Variants in USH2A observed in about 807,000 individuals in gnomAD.
USH2A encodes the protein Usher syndrome 2A (autosomal recessive, mild).
A neutral mutation model predicts 538.9 loss-of-function variants in USH2A; 443 were observed. That is an observed-to-expected ratio of 0.82 (90% CI 0.76 to 0.89). The LOEUF (loss-of-function observed/expected upper bound fraction) is 0.89, where lower values mean the gene tolerates loss of function less well. USH2A is among the 40% of genes least tolerant of loss of function. The probability of loss-of-function intolerance (pLI) is 0.00; values close to 1 mark genes in which losing one functional copy is unlikely to be tolerated. For synonymous variants in USH2A, 2,413 were observed against 2,273.5 expected, an observed-to-expected ratio of 1.06 and a Z score of -1.75; for missense variants, 6,633 against 6,324.8, an observed-to-expected ratio of 1.05 and a Z score of -1.65.
chr1:216,073,026 G>A, intron 28 of USH2A, 57 bp from the exon 29 acceptor site: 4 of 1,611,532 alleles, frequency 2.5e-6, no homozygotes, highest in Admixed American at 1.7e-5. Flanking sequence ...GATTAATGAG[G>A]GGCTGGCAGG....
At chr1:215,788,642 G>A (rs191531480) in intron 51 of USH2A, among the ~76,000 whole-genome samples, 154 of 152,248 alleles carry the variant, frequency 1.0e-3, no homozygotes, top group Admixed American at 2.2e-3. Flanking sequence ...GCAGGATAAA[G>A]AGAACATCTT....
chr1:216,138,802 T>C (rs2033539423), intron 21 of USH2A, among the ~76,000 whole-genome samples: 1 of 152,156 alleles, frequency 6.6e-6, no homozygotes, highest in African/African-American at 2.4e-5. Flanking sequence ...ACAACTCAAG[T>C]CTGCAATGGC....
intron 4 of USH2A, among the ~76,000 whole-genome samples, chr1:216,328,241 T>C (rs906033884): frequency 2.0e-5 from 3 of 152,168 alleles, no homozygotes; most frequent in African/African-American, 7.2e-5. Context: ...CTCAGAATTT[T>C]ATTGCCTCAG....
intron 13 of USH2A, among the ~76,000 whole-genome samples, chr1:216,240,013 C>CAAAAAAAAAAAA (rs55691066): frequency 4.5e-5 from 5 of 112,282 alleles, no homozygotes; most frequent in African/African-American, 9.9e-5. Context: ...ATGAAATAAA[C>CAAAAAAAAAAAA]AAAAAAAAAA....
Position 216,231,848 on chromosome 1 carries a change from G to A in USH2A, c.2993+105C>T, listed in dbSNP as rs112773558. On this transcript the variant is annotated intron_variant, in intron 14 of 71. Coordinates refer to ENST00000307340, the MANE Select transcript of USH2A (RefSeq NM_206933.4). Reference sequence around the variant, plus strand: ...GATTACAGGTGTGAGCCACCAAGCCGGGCAAAAAAAATACTTTTTACAGAA... The same window carrying A: ...GATTACAGGTGTGAGCCACCAAGCCAGGCAAAAAAAATACTTTTTACAGAA... The A allele has an allele frequency of 4.8e-4, 683 of 1,425,172 alleles. 3 individuals carry two copies. The African/African-American group carries it at 8.2e-3, about 17-fold the overall frequency. The allele number at this position is 1,425,172 out of a possible 1,614,324, so 88.3% of individuals were successfully genotyped here.
intron 61 of USH2A, among the ~76,000 whole-genome samples, chr1:215,684,642 A>G (rs1658349256): frequency 6.6e-6 from 1 of 152,206 alleles, no homozygotes; most frequent in African/African-American, 2.4e-5. Flanking sequence ...TCTTGTGTTC[A>G]TCAACAGAGT....
At chr1:215,913,617 G>A (rs1248742438) in intron 38 of USH2A, among the ~76,000 whole-genome samples, 1 of 152,050 alleles carries the variant, frequency 6.6e-6, no homozygotes, top group African/African-American at 2.4e-5. Flanking sequence ...AACTACAATT[G>A]TTGTTTAGTT....
At chr1:216,377,321 C>G (rs2038840200) in intron 3 of USH2A, among the ~76,000 whole-genome samples, 1 of 152,068 alleles carries the variant, frequency 6.6e-6, no homozygotes, top group Admixed American at 6.6e-5. Context: ...CACAATCAGT[C>G]ATGGAGAAGT....
intron 50 of USH2A, among the ~76,000 whole-genome samples, chr1:215,792,831 G>C (rs1662018310): frequency 6.6e-6 from 1 of 152,108 alleles, no homozygotes; most frequent in Non-Finnish European, 1.5e-5. Flanking sequence ...TATGCCCAAA[G>C]AAAAACAAAA....
chr1:215,975,132 T>C (rs1388706516), intron 35 of USH2A, among the ~76,000 whole-genome samples: 1 of 152,212 alleles, frequency 6.6e-6, no homozygotes, highest in Non-Finnish European at 1.5e-5. Context: ...TGCCTTCTTT[T>C]GAGAAGTGTC....
chr1:215,721,942 A>G (rs958720299), intron 61 of USH2A, among the ~76,000 whole-genome samples: 1 of 152,000 alleles, frequency 6.6e-6, no homozygotes, highest in African/African-American at 2.4e-5. Flanking sequence ...GCATGCACCT[A>G]TAGTCCCAGC....
chr1:216,115,112 T>TTTTTGTTTTG (rs144536893), intron 21 of USH2A, among the ~76,000 whole-genome samples: 8 of 148,566 alleles, frequency 5.4e-5, no homozygotes, highest in Middle Eastern at 3.4e-3. Flanking sequence ...TATTTATTTA[T>TTTTTGTTTTG]TTTTGTTTTG....
chr1:215,910,069 G>A (rs556959715), intron 38 of USH2A, among the ~76,000 whole-genome samples: 1 of 152,012 alleles, frequency 6.6e-6, no homozygotes, highest in East Asian at 1.9e-4. Flanking sequence ...AAAAGACTAT[G>A]ATTGAAATAT....
At chr1:216,334,433 A>G (rs2037931454) in intron 4 of USH2A, among the ~76,000 whole-genome samples, 1 of 152,020 alleles carries the variant, frequency 6.6e-6, no homozygotes, top group South Asian at 2.1e-4. Context: ...CATAAATCAT[A>G]TTTTAAAAAA....
intron 16 of USH2A, among the ~76,000 whole-genome samples, chr1:216,201,002 TCCCTCCCTC>T (rs2102469639): frequency 2.3e-5 from 1 of 43,592 alleles, no homozygotes; most frequent in African/African-American, 1.0e-4. Context: ...CCTCCCTCCC[TCCCTCCCTC>T]CCTTCCTTCC....
intron 38 of USH2A, among the ~76,000 whole-genome samples, chr1:215,917,461 T>C (rs936172098): frequency 1.3e-5 from 2 of 152,008 alleles, no homozygotes; most frequent in African/African-American, 4.8e-5. Flanking sequence ...TATTTTTGAT[T>C]CTAATATTGC....
intron 16 of USH2A, among the ~76,000 whole-genome samples, chr1:216,205,023 G>A (rs1018275468): frequency 6.6e-5 from 10 of 152,076 alleles, no homozygotes; most frequent in Admixed American, 2.0e-4. Flanking sequence ...TAGTGCAATC[G>A]TCAAAAACAG....
chr1:215,651,734 T>C (rs1004459749), intron 64 of USH2A, among the ~76,000 whole-genome samples: 10 of 151,856 alleles, frequency 6.6e-5, no homozygotes, highest in African/African-American at 2.4e-4. Flanking sequence ...AAAAAACCTA[T>C]GAGAATATTT....
In USH2A at chr1:215,998,915, G is replaced by T; in HGVS notation, c.6629C>A (p.Pro2210His). The change falls in exon 34 of 72, where the codon CCT becomes CAT. Residue 2210 changes from proline to histidine, a missense_variant. Physicochemically the swap from Pro to His is moderately conservative, Grantham distance 77 (BLOSUM62 -2). Transcript: ENST00000307340. ...CAGCTTGATGAGATATTTATTACCA[G>T]GTAAAACGTATTGTAGCATATGATC... Reference protein sequence around the residue: ...FQDHMLQYVLPGNKYLIKLGA... With the variant: ...FQDHMLQYVLHGNKYLIKLGA... 6.2e-7 allele frequency: 1 copy of T among 1,613,078 alleles called. No individual in the cohort carries two copies. Among genetic ancestry groups the T allele is most frequent in the Non-Finnish European group, 8.5e-7 (1 of 1,179,474 alleles).
Sources: allele counts gnomAD v4.1 joint callset (sites outside exome capture counted in the v4.1 genomes callset), GRCh38; gene constraint gnomAD v4.1.1; transcripts MANE v1.5; gene names NCBI Gene and HGNC (gene_info 2026-07-23, HGNC 2026-07-21).